Variants in CNST observed in about 807,000 individuals in gnomAD.
CNST encodes the protein consortin, connexin sorting protein.
A neutral mutation model predicts 72.4 loss-of-function variants in CNST; 39 were observed. That is an observed-to-expected ratio of 0.54 (90% CI 0.42 to 0.70). The LOEUF (loss-of-function observed/expected upper bound fraction) is 0.70. CNST is among the 30% of genes least tolerant of loss of function. CNST has a pLI of 0.00. For synonymous variants in CNST, 332 were observed against 320.1 expected, an observed-to-expected ratio of 1.04 and a Z score of -0.40; for missense variants, 871 against 868.5, an observed-to-expected ratio of 1.00 and a Z score of -0.04.
rs1666187125 is a variant in CNST, at chr1:246,647,665, T to C, written c.1464T>C (p.Asp488=). The C allele has an allele frequency of 1.9e-6, 3 of 1,614,166 alleles. No homozygotes were observed. The highest frequency in any genetic ancestry group is 1.7e-6 in the Non-Finnish European group (2 of 1,180,034). The change falls in exon 9 of 11, where the codon GAT becomes GAC. Residue 488 remains aspartate, a synonymous_variant. Coordinates refer to ENST00000366513, the MANE Select transcript of CNST (RefSeq NM_152609.3). Reference sequence around the variant, plus strand: ...AATTAAATGAGCTGCAGCAGCCTGATCTTACAGACAGTGATGGAAAATCAC... The same window carrying C: ...AATTAAATGAGCTGCAGCAGCCTGACCTTACAGACAGTGATGGAAAATCAC... ...NNELNELQQP[D]LTDSDGKSPQ...
At chr1:246,655,956 C>T (rs1041619356) in intron 9 of CNST, among the ~76,000 whole-genome samples, 6 of 152,146 alleles carry the variant, frequency 3.9e-5, no homozygotes, top group Non-Finnish European at 5.9e-5. Context: ...ACTAAAGAAG[C>T]GGGCAGAGAA....
intron 2 of CNST, among the ~76,000 whole-genome samples, chr1:246,614,526 T>C (rs553730522): frequency 0.022 from 3,360 of 152,062 alleles, 64 homozygotes; most frequent in South Asian, 0.06. Flanking sequence ...TTTTTTTTTT[T>C]TTTGGAGACA....
intron 2 of CNST, among the ~76,000 whole-genome samples, chr1:246,605,555 G>A (rs765234429): frequency 3.2e-4 from 48 of 152,280 alleles, no homozygotes; most frequent in Non-Finnish European, 4.7e-4. Flanking sequence ...GGACGGGGCA[G>A]GGGTTTTACA....
intron 2 of CNST, among the ~76,000 whole-genome samples, chr1:246,603,110 G>T (rs1662420211): frequency 1.3e-5 from 2 of 152,120 alleles, no homozygotes; most frequent in South Asian, 4.1e-4. Flanking sequence ...GAAATTAAGA[G>T]ATTTACCTCC....
intron 9 of CNST, among the ~76,000 whole-genome samples, chr1:246,657,798 G>A (rs1232765332): frequency 6.6e-6 from 1 of 152,128 alleles, no homozygotes; most frequent in Non-Finnish European, 1.5e-5. Context: ...CTTTCCAGAT[G>A]ATTTCAGGAG....
At chr1:246,584,868 T>C (rs1041565547) in intron 1 of CNST, among the ~76,000 whole-genome samples, 1 of 152,242 alleles carries the variant, frequency 6.6e-6, no homozygotes, top group Non-Finnish European at 1.5e-5. Context: ...AGTTTTCTTT[T>C]TTAAATCAAG....
rs541338544 is a variant in CNST, at chr1:246,617,079, C to T, written c.380-4350C>T. ...TCCTGATTATGCTAATGTTTATTTT[C>T]TTTATTATTGCTTTTACTAAAAATA... is the stretch of plus-strand genomic sequence containing the variant. On this transcript the variant is annotated intron_variant, in intron 2 of 10. Coordinates refer to ENST00000366513, the MANE Select transcript of CNST (RefSeq NM_152609.3). Among the ~76,000 whole-genome samples the T allele has an allele frequency of 3.7e-4, 56 of 152,198 alleles. 1 individual carries two copies. Among genetic ancestry groups the T allele is most frequent in the African/African-American group, 1.3e-3 (54 of 41,546 alleles).
At chr1:246,586,650 T>TA (rs1661218376) in intron 1 of CNST, among the ~76,000 whole-genome samples, 2 of 152,050 alleles carry the variant, frequency 1.3e-5, no homozygotes, top group South Asian at 4.1e-4. Context: ...TCAGAGATCT[T>TA]ACGATAATTT....
At chr1:246,598,080 C>A (rs1258197426) in intron 2 of CNST, among the ~76,000 whole-genome samples, 1 of 151,954 alleles carries the variant, frequency 6.6e-6, no homozygotes, top group East Asian at 1.9e-4. Flanking sequence ...TTCCCAGGCT[C>A]AGGTGATTCT....
chr1:246,644,361 C>T (rs1423404506), intron 8 of CNST, among the ~76,000 whole-genome samples: 1 of 135,034 alleles, frequency 7.4e-6, no homozygotes, highest in Admixed American at 9.0e-5. Flanking sequence ...TGCGCTCCGC[C>T]TGGGCGACAG....
intron 8 of CNST, among the ~76,000 whole-genome samples, chr1:246,643,509 TC>T (rs2103124647): frequency 6.6e-6 from 1 of 152,336 alleles, no homozygotes; most frequent in African/African-American, 2.4e-5. Flanking sequence ...CAGCACCTCC[TC>T]CTGCTTGGCC....
At chr1:246,636,711 T>G (rs969738107) in intron 6 of CNST, among the ~76,000 whole-genome samples, 10 of 152,252 alleles carry the variant, frequency 6.6e-5, no homozygotes, top group Non-Finnish European at 1.3e-4. Context: ...CTTTTGGACA[T>G]GTAGCCCCAT....
At chr1:246,587,255 G>A (rs1661255299) in intron 1 of CNST, among the ~76,000 whole-genome samples, 1 of 152,156 alleles carries the variant, frequency 6.6e-6, no homozygotes, top group South Asian at 2.1e-4. Flanking sequence ...ACACCACTGT[G>A]CCCGACTAGT....
At chr1:246,625,966 G>A (rs747259419) in intron 3 of CNST, among the ~76,000 whole-genome samples, 13 of 151,986 alleles carry the variant, frequency 8.6e-5, no homozygotes, top group African/African-American at 1.4e-4. Context: ...GTTTTGAAGC[G>A]TTTTGTTTAT....
rs777000603 is a variant in CNST, at chr1:246,665,866, G to T, written c.2139G>T (p.Gln713His). Residue 713 changes from glutamine (Q) to histidine (H), a missense_variant, in exon 11 of 11, where the codon CAG (glutamine) becomes CAT (histidine). Coordinates refer to ENST00000366513, the MANE Select transcript of CNST (RefSeq NM_152609.3). ...NMDFYYTKLL[Q>H]GVAELKHWIY... ...ACTTCTATTACACTAAGTTACTTCAGGGAGTGGCAGAACTGAAGCACTGGA... is the reference window on the plus strand; with the variant it reads ...ACTTCTATTACACTAAGTTACTTCATGGAGTGGCAGAACTGAAGCACTGGA... 10 of 1,613,828 alleles carry T rather than the reference G, an allele frequency of 6.2e-6. No homozygotes were observed. The highest frequency in any genetic ancestry group is 3.3e-5 in the Admixed American group (2 of 60,006).
intron 2 of CNST, among the ~76,000 whole-genome samples, chr1:246,601,537 G>A (rs974969172): frequency 8.5e-5 from 13 of 152,276 alleles, no homozygotes; most frequent in African/African-American, 2.9e-4. Flanking sequence ...GCTCACACCT[G>A]TAATCCCAGC....
At chr1:246,656,598 C>T (rs1274938798) in intron 9 of CNST, among the ~76,000 whole-genome samples, 1 of 152,070 alleles carries the variant, frequency 6.6e-6, no homozygotes, top group Non-Finnish European at 1.5e-5. Flanking sequence ...TTTAAAAATT[C>T]TTCACCTTTT....
intron 9 of CNST, among the ~76,000 whole-genome samples, chr1:246,659,559 C>T (rs1042570045): frequency 1.6e-4 from 25 of 151,614 alleles, no homozygotes; most frequent in Non-Finnish European, 2.8e-4. Flanking sequence ...CGCGCCACTG[C>T]ACTCCAGCCT....
In CNST at chr1:246,576,536, C is replaced by G. The variant is rs186968403; in HGVS notation, c.-52+9873C>G. ...TCTGAGATGGAGTCTCACTCTGTCA[C>G]CCAGGCTGGAGTGCAGTGGTATGAT... On this transcript the variant is annotated intron_variant, in intron 1 of 10. Transcript: ENST00000366513. 3.9e-3 allele frequency among the ~76,000 whole-genome samples: 583 copies of G among 150,656 alleles called. 5 individuals carry two copies. Among genetic ancestry groups the G allele is most frequent in the African/African-American group, 0.014 (559 of 40,706 alleles).
Sources: gnomAD v4.1 joint callset for allele counts (sites outside exome capture counted in the v4.1 genomes callset) on GRCh38, gnomAD v4.1.1 for gene constraint, MANE v1.5 for transcripts, NCBI Gene and HGNC (gene_info 2026-07-23, HGNC 2026-07-21) for gene names.